KDM2A: variants seen among roughly 807,000 people sequenced by gnomAD.
KDM2A encodes the protein lysine-specific demethylase 2A.
A neutral mutation model predicts 137.3 loss-of-function variants in KDM2A; 3 were observed. The observed-to-expected ratio is 0.02, with a 90% CI of 0.01 to 0.06. The LOEUF (loss-of-function observed/expected upper bound fraction) is 0.06, where lower values mean the gene tolerates loss of function less well. Ranked by LOEUF, KDM2A falls within the 10% of genes least tolerant of loss-of-function variation. The pLI is 1.00. For missense variants in KDM2A, 738 were observed against 1,510.6 expected (o/e 0.49, Z 8.48); for synonymous variants, 512 against 541.5 (o/e 0.95, Z 0.76).
Position 67,255,875 on chromosome 11 carries a change from C to G in KDM2A, c.*820C>G, listed in dbSNP as rs1334408878. ...TTGTTCCCCCTCTCTCTTTTGCCTCCCACTGACTGCCCTTTTCCATGTGTC... is the reference window on the plus strand; with the variant it reads ...TTGTTCCCCCTCTCTCTTTTGCCTCGCACTGACTGCCCTTTTCCATGTGTC... On this transcript the variant is annotated 3_prime_UTR_variant, in exon 21 of 21. Coordinates refer to ENST00000529006, the MANE Select transcript of KDM2A (RefSeq NM_012308.3). 1 of 264,192 alleles carries G rather than the reference C, an allele frequency of 3.8e-6. No homozygotes were observed. Among genetic ancestry groups the G allele is most frequent in the African/African-American group, 2.3e-5 (1 of 43,940 alleles). 16.4% of individuals were successfully genotyped at this position (264,192 alleles called of 1,614,324 possible). A position where few individuals can be genotyped will look rare whatever the true frequency, so the allele number is the denominator to read the frequency against.
At chr11:67,185,631 C>T (rs74779730) in intron 5 of KDM2A, among the ~76,000 whole-genome samples, 5,506 of 148,236 alleles carry the variant, frequency 0.037, 424 homozygotes, top group Admixed American at 0.18. Context: ...GAGCGAAACT[C>T]TGTCGCAAAA....
At chr11:67,157,430 A>G (rs1048859482) in intron 2 of KDM2A, among the ~76,000 whole-genome samples, 3 of 151,824 alleles carry the variant, frequency 2.0e-5, no homozygotes, top group African/African-American at 7.3e-5. Flanking sequence ...TTAAAAGCAA[A>G]AAAATTCCTG....
intron 2 of KDM2A, among the ~76,000 whole-genome samples, chr11:67,167,389 C>A (rs1260816396): frequency 6.6e-6 from 1 of 152,106 alleles, no homozygotes; most frequent in African/African-American, 2.4e-5. Flanking sequence ...TGGGAGAGAT[C>A]TAGCACTTTT....
At chr11:67,129,316 C>T (rs890005928) in intron 2 of KDM2A, among the ~76,000 whole-genome samples, 9 of 152,182 alleles carry the variant, frequency 5.9e-5, no homozygotes, top group African/African-American at 1.9e-4. Context: ...TGTCTAGGTA[C>T]AGTGACTTAG....
At chr11:67,209,740 G>C (rs894410047) in intron 6 of KDM2A, among the ~76,000 whole-genome samples, 1 of 151,976 alleles carries the variant, frequency 6.6e-6, no homozygotes, top group Non-Finnish European at 1.5e-5. Context: ...CACTGTACCC[G>C]GCCAATTTCC....
chr11:67,124,727 G>T (rs767594290), intron 2 of KDM2A, among the ~76,000 whole-genome samples: 1 of 147,258 alleles, frequency 6.8e-6, no homozygotes, highest in Non-Finnish European at 1.5e-5. Context: ...TTTTCTTTAA[G>T]TTGTAAGGTG....
chr11:67,217,918 A>AT (rs547027121), intron 9 of KDM2A, 34 bp downstream of exon 9: 7 of 1,533,120 alleles, frequency 4.6e-6, no homozygotes, highest in Non-Finnish European at 6.1e-6. Context: ...TTATTTAGCC[A>AT]TTTTTTTCCT....
intron 10 of KDM2A, among the ~76,000 whole-genome samples, chr11:67,220,652 T>C (rs948750860): frequency 1.3e-4 from 20 of 152,324 alleles, no homozygotes; most frequent in Non-Finnish European, 2.6e-4. Flanking sequence ...TTATATACAA[T>C]GGATACCTTA....
intron 5 of KDM2A, among the ~76,000 whole-genome samples, chr11:67,193,514 CA>C (rs1857405667): frequency 1.3e-5 from 2 of 152,152 alleles, no homozygotes; most frequent in African/African-American, 4.8e-5. Context: ...ATAAAGTGCT[CA>C]GAAGAGTCAC....
rs369668797 is a variant in KDM2A, at chr11:67,164,935, A to C, written c.43-15144A>C. Among the ~76,000 whole-genome samples the C allele has an allele frequency of 2.6e-4, 39 of 151,632 alleles. No individual in the cohort carries two copies. In the East Asian group the frequency reaches 6.0e-3, roughly 23 times the overall value. On this transcript the variant is annotated intron_variant, in intron 2 of 20. Transcript: ENST00000529006. Reference sequence around the variant, plus strand: ...TTTTAATGATGTTAGTCAGTTTACCACTCTTAGAGTAACTTTCTTAGGTAA... The same window carrying C: ...TTTTAATGATGTTAGTCAGTTTACCCCTCTTAGAGTAACTTTCTTAGGTAA...
chr11:67,130,424 C>T (rs536020991), intron 2 of KDM2A, among the ~76,000 whole-genome samples: 12 of 152,146 alleles, frequency 7.9e-5, no homozygotes, highest in Admixed American at 3.9e-4. Flanking sequence ...GGATTACAGG[C>T]GTGAGCCACC....
chr11:67,209,898 A>C (rs1857926209), intron 6 of KDM2A, among the ~76,000 whole-genome samples: 1 of 152,130 alleles, frequency 6.6e-6, no homozygotes, highest in Non-Finnish European at 1.5e-5. Flanking sequence ...TCATCTCTAC[A>C]AAATTTGGAA....
At chr11:67,146,502 TTGTC>T (rs1215474669) in intron 2 of KDM2A, among the ~76,000 whole-genome samples, 12 of 152,012 alleles carry the variant, frequency 7.9e-5, no homozygotes, top group African/African-American at 1.9e-4. Context: ...TTCTCTCTCT[TTGTC>T]TGTCTTCCTT....
rs750462694 is a variant in KDM2A, at chr11:67,254,337, C to T, written c.3226C>T (p.His1076Tyr). 35 of 1,613,954 alleles carry T rather than the reference C, an allele frequency of 2.2e-5. No individual in the cohort carries two copies. The highest frequency in any genetic ancestry group is 3.3e-5 in the Admixed American group (2 of 60,006). Residue 1076 changes from histidine to tyrosine, a missense_variant, in exon 20 of 21, where the codon CAC becomes TAC. Physicochemically the swap from His to Tyr is moderately conservative, Grantham distance 83. This residue lies in a region of KDM2A where 166 missense variants were observed against 324.0 expected (regional missense o/e 0.51). Coordinates refer to ENST00000529006, the MANE Select transcript of KDM2A (RefSeq NM_012308.3). This position sits in a 1 kb window ranked among gnomAD's most constrained non-coding sequence, Gnocchi z 4.7. ...LSRLDLSHCSHLTDQSSNLLT... is the reference protein window; with the variant it reads ...LSRLDLSHCSYLTDQSSNLLT... Reference sequence around the variant, plus strand: ...TCGACTCGACCTCAGTCACTGCAGCCACCTTACAGATCAGTCCTCCAATCT... The same window carrying T: ...TCGACTCGACCTCAGTCACTGCAGCTACCTTACAGATCAGTCCTCCAATCT...
intron 5 of KDM2A, among the ~76,000 whole-genome samples, chr11:67,200,277 A>G (rs1857585089): frequency 6.6e-6 from 1 of 151,526 alleles, no homozygotes; most frequent in South Asian, 2.1e-4. Flanking sequence ...GTGCAGTGGC[A>G]CGATCTCAGC....
chr11:67,239,954 C>G, intron 12 of KDM2A: 3 of 850,030 alleles, frequency 3.5e-6, no homozygotes, highest in Non-Finnish European at 4.6e-6. Flanking sequence ...AAAGCAGTTG[C>G]TGAACACACC....
chr11:67,170,647 C>G (rs867866781), intron 2 of KDM2A, among the ~76,000 whole-genome samples: 1 of 151,938 alleles, frequency 6.6e-6, no homozygotes, highest in South Asian at 2.1e-4. Context: ...TCTCCTCACC[C>G]AGTGATCCGC....
chr11:67,207,198 C>T (rs1459666563), intron 5 of KDM2A, among the ~76,000 whole-genome samples: 1 of 152,154 alleles, frequency 6.6e-6, no homozygotes, highest in Non-Finnish European at 1.5e-5. Flanking sequence ...CTAACATCTG[C>T]TTTCTCATGT....
At chr11:67,168,269 T>G (rs527767347) in intron 2 of KDM2A, among the ~76,000 whole-genome samples, 4 of 152,248 alleles carry the variant, frequency 2.6e-5, no homozygotes, top group Non-Finnish European at 5.9e-5. Flanking sequence ...AGTGAAGTTA[T>G]GCTGAATGAA....
Sources: allele counts gnomAD v4.1 joint callset (sites outside exome capture counted in the v4.1 genomes callset), GRCh38; gene constraint gnomAD v4.1.1; regional missense constraint gnomAD v4.1.1; non-coding constraint Gnocchi (gnomAD v3.1); transcripts MANE v1.5; gene names NCBI Gene and HGNC (gene_info 2026-07-23, HGNC 2026-07-21).